EFCAB5: variants seen among roughly 807,000 people sequenced by gnomAD.
EFCAB5 encodes the protein EF-hand calcium binding domain 5.
Under a neutral mutation model 167.9 loss-of-function variants are expected in EFCAB5, and 131 were observed. The observed-to-expected ratio is 0.78, with a 90% CI of 0.68 to 0.90. EFCAB5 has a LOEUF of 0.90. EFCAB5 is among the 40% of genes least tolerant of loss of function. The pLI is 0.00. For synonymous variants in EFCAB5, 574 were observed against 602.8 expected (o/e 0.95, Z 0.70); for missense variants, 1,663 against 1,745.2 (o/e 0.95, Z 0.84).
At chr17:30,042,228 C>G (rs576082921) in intron 8 of EFCAB5, among the ~76,000 whole-genome samples, 1 of 152,032 alleles carries the variant, frequency 6.6e-6, no homozygotes, top group Non-Finnish European at 1.5e-5. Context: ...AGGCTGGTCT[C>G]GAACTCCTGA....
At chr17:30,025,855 T>A (rs1366316475) in intron 7 of EFCAB5, among the ~76,000 whole-genome samples, 1 of 152,128 alleles carries the variant, frequency 6.6e-6, no homozygotes, top group African/African-American at 2.4e-5. Context: ...AATGATGAGT[T>A]CACGTCCTTT....
intron 22 of EFCAB5, among the ~76,000 whole-genome samples, chr17:30,094,534 A>AAAC (rs2071260421): frequency 7.0e-6 from 1 of 142,512 alleles, no homozygotes; most frequent in African/African-American, 2.9e-5. Flanking sequence ...AAAAAAAAAA[A>AAAC]TAACTGGGTG....
chr17:29,969,458 A>G, intron 4 of EFCAB5, 91 bp downstream of exon 4: 2 of 1,131,618 alleles, frequency 1.8e-6, no homozygotes, highest in East Asian at 2.6e-5. Flanking sequence ...AGGACTTAAA[A>G]CAAGTGATTC....
rs943085857 is a variant in EFCAB5 at position 30,034,218 on chromosome 17, T to C, written c.1045-12T>C. ...TAAGTCAATCGTTTATCCTCTTTTT[T>C]TTCCCCTGTAGTACATCTCTTCACA... On this transcript the variant is annotated splice_polypyrimidine_tract_variant and intron_variant, in intron 7 of 22. Transcript: ENST00000394835. 3.1e-6 allele frequency: 5 copies of C among 1,611,894 alleles called. No homozygotes were observed. In the East Asian group the frequency reaches 1.1e-4, roughly 36 times the overall value.
At chr17:30,096,363 G>A (rs1335211296) in intron 22 of EFCAB5, among the ~76,000 whole-genome samples, 1 of 151,998 alleles carries the variant, frequency 6.6e-6, no homozygotes, top group East Asian at 1.9e-4. Context: ...TTTGATATCT[G>A]ATTAAAGACT....
chr17:29,981,184 G>T (rs2068166455), intron 4 of EFCAB5, among the ~76,000 whole-genome samples: 1 of 151,978 alleles, frequency 6.6e-6, no homozygotes, highest in Non-Finnish European at 1.5e-5. Flanking sequence ...CCTTTCAGTG[G>T]TACCCTTTTA....
chr17:29,981,433 T>C (rs748081355), intron 4 of EFCAB5, among the ~76,000 whole-genome samples: 10 of 152,200 alleles, frequency 6.6e-5, no homozygotes, highest in African/African-American at 2.2e-4. Flanking sequence ...ACCCATCCTT[T>C]AGAGTTCAGG....
At chr17:30,082,861 A>G in intron 17 of EFCAB5, 30 bp from the exon 18 acceptor site, 1 of 1,585,176 alleles carries the variant, frequency 6.3e-7, no homozygotes, top group South Asian at 1.2e-5. Flanking sequence ...TTTAAAAAGA[A>G]TAGGCTATTT....
rs2071204077 is a variant in EFCAB5, at chr17:30,091,854, T to C, written c.3938-17T>C. The C allele has an allele frequency of 6.2e-7, 1 of 1,611,650 alleles. No individual in the cohort carries two copies. ...TTAGACTGAACAGCAATGTGAGCTATCATTTTGTTATTCCAGAGATTGAAA... is the reference window on the plus strand; with the variant it reads ...TTAGACTGAACAGCAATGTGAGCTACCATTTTGTTATTCCAGAGATTGAAA... On this transcript the variant is annotated splice_polypyrimidine_tract_variant and intron_variant, in intron 20 of 22. Coordinates refer to ENST00000394835, the MANE Select transcript of EFCAB5 (RefSeq NM_198529.4).
At chr17:29,985,919 G>GATAAAAGCA (rs2151618490) in intron 4 of EFCAB5, among the ~76,000 whole-genome samples, 1 of 152,278 alleles carries the variant, frequency 6.6e-6, no homozygotes, top group African/African-American at 2.4e-5. Context: ...TTTGCAAGAC[G>GATAAAAGCA]ATAAAAGCAA....
intron 18 of EFCAB5, among the ~76,000 whole-genome samples, chr17:30,084,961 C>T (rs1429209235): frequency 2.0e-5 from 3 of 152,138 alleles, no homozygotes; most frequent in East Asian, 3.9e-4. Context: ...TGTCCTTTGT[C>T]GGTTCTGGTC....
chr17:29,936,236 C>A (rs1259879346), intron 1 of EFCAB5, among the ~76,000 whole-genome samples: 1 of 151,884 alleles, frequency 6.6e-6, no homozygotes, highest in Non-Finnish European at 1.5e-5. Flanking sequence ...TGTTCTCACT[C>A]ATAGGTGGGA....
chr17:30,100,700 G>A (rs996155519), intron 22 of EFCAB5, among the ~76,000 whole-genome samples: 1 of 152,028 alleles, frequency 6.6e-6, no homozygotes, highest in Non-Finnish European at 1.5e-5. Flanking sequence ...CCAGGAGGCG[G>A]AGGTTGCAGT....
intron 22 of EFCAB5, among the ~76,000 whole-genome samples, chr17:30,099,518 G>A (rs2071352394): frequency 6.6e-6 from 1 of 152,128 alleles, no homozygotes; most frequent in African/African-American, 2.4e-5. Flanking sequence ...CTCTCCAGAA[G>A]CTGTAGAATC....
chr17:30,104,125 A>G (rs1230530634), intron 22 of EFCAB5, among the ~76,000 whole-genome samples: 2 of 152,258 alleles, frequency 1.3e-5, no homozygotes, highest in East Asian at 3.8e-4. Flanking sequence ...GTGAAGCAAT[A>G]GAAATGAGAA....
At chr17:29,930,073 G>T in intron 1 of EFCAB5, 2 of 1,367,618 alleles carry the variant, frequency 1.5e-6, no homozygotes, top group Non-Finnish European at 2.0e-6. Flanking sequence ...TGACGGAGCC[G>T]GGATGGGGAA....
intron 8 of EFCAB5, among the ~76,000 whole-genome samples, chr17:30,038,352 A>G (rs1017172016): frequency 1.3e-5 from 2 of 152,216 alleles, no homozygotes; most frequent in Admixed American, 6.5e-5. Flanking sequence ...CAAAGCCTAG[A>G]TAACAGTAGA....
At chr17:30,098,621 G>A (rs1398716975) in intron 22 of EFCAB5, among the ~76,000 whole-genome samples, 1 of 151,812 alleles carries the variant, frequency 6.6e-6, no homozygotes, top group Admixed American at 6.6e-5. Flanking sequence ...ACCACACCTG[G>A]CTTTCCATTG....
rs71138868 is a variant in EFCAB5 at position 30,026,961 on chromosome 17, C to CTTTTTTTTTTTTT, written c.1045-7238_1045-7226dup. ...ATGATTTCCTTGTACCTCCTTGTAC[C>CTTTTTTTTTTTTT]TTTTTTTTTTTTTTTTTTTTTTTTT... On this transcript the variant is annotated intron_variant, in intron 7 of 22. Coordinates refer to ENST00000394835, the MANE Select transcript of EFCAB5 (RefSeq NM_198529.4). Among the ~76,000 whole-genome samples the CTTTTTTTTTTTTT allele has an allele frequency of 7.7e-5, 5 of 64,550 alleles. 2 individuals are homozygous for CTTTTTTTTTTTTT. The highest frequency in any genetic ancestry group is 9.5e-4 in the East Asian group (2 of 2,100). 42.3% of individuals were successfully genotyped at this position (64,550 alleles called of 152,430 possible).
Sources: allele counts gnomAD v4.1 joint callset (sites outside exome capture counted in the v4.1 genomes callset), GRCh38; gene constraint gnomAD v4.1.1; transcripts MANE v1.5; gene names NCBI Gene and HGNC (gene_info 2026-07-23, HGNC 2026-07-21).